The following ADAM17 variants were observed in gnomAD, a reference collection of about 807,000 sequenced individuals.
The protein encoded by ADAM17 is ADAM metallopeptidase domain 17, also known as disintegrin and metalloproteinase domain-containing protein 17.
ADAM17 carries 39 observed loss-of-function variants against 96.7 expected under a neutral mutation model. The observed-to-expected ratio is 0.40, with a 90% CI of 0.31 to 0.53. The LOEUF is 0.53. Ranked by LOEUF, ADAM17 falls within the 20% of genes least tolerant of loss-of-function variation. The probability of loss-of-function intolerance (pLI) is 0.44; values close to 1 mark genes in which losing one functional copy is unlikely to be tolerated. For synonymous variants in ADAM17, 344 were observed against 359.2 expected (o/e 0.96, Z 0.48); for missense variants, 777 against 1,013.2 (o/e 0.77, Z 3.17).
At chr2:9,529,866 C>T (rs1040116929) in intron 4 of ADAM17, among the ~76,000 whole-genome samples, 12 of 151,872 alleles carry the variant, frequency 7.9e-5, no homozygotes, top group African/African-American at 2.7e-4. Context: ...AGCTACTCAA[C>T]AGGCTGAGGC....
Position 9,521,215 on chromosome 2 carries a change from C to T in ADAM17, c.945G>A (p.Lys315=), listed in dbSNP as rs757922213. ...TTCTAAGACCTACCTCTAGCAACAT[C>T]TTCACATCCCAAGCATCCTTTTCTT... is the stretch of plus-strand genomic sequence containing the variant. ...PNEEKDAWDV[K]MLLEQFSFDI... Residue 315 remains lysine, a synonymous_variant, in exon 8 of 19, where the codon AAG becomes AAA. Transcript: ENST00000310823. The T allele has an allele frequency of 2.5e-6, 4 of 1,604,688 alleles. No individual in the cohort carries two copies. The highest frequency in any genetic ancestry group is 3.3e-5 in the Admixed American group (2 of 59,954).
chr2:9,531,922 C>T (rs544051570), intron 4 of ADAM17, among the ~76,000 whole-genome samples: 8 of 152,148 alleles, frequency 5.3e-5, no homozygotes, highest in African/African-American at 9.6e-5. Context: ...CACAGTGAGA[C>T]CTCATCAAAA....
rs777714532 is a variant in ADAM17, at chr2:9,494,712, G to A, written c.1839C>T (p.Pro613=). The change falls in exon 15 of 19, where the codon CCC becomes CCT. Residue 613 remains proline, a synonymous_variant. Transcript: ENST00000310823. Reference sequence around the variant, plus strand: ...AGTTCTTTTGTTCAGCATCGACATAGGGCACACAGCGGCCAGAAAGGTCCC... The same window carrying A: ...AGTTCTTTTGTTCAGCATCGACATAAGGCACACAGCGGCCAGAAAGGTCCC... The part of the protein sequence containing the change: ...CCRDLSGRCV[P]YVDAEQKNLF... The A allele has an allele frequency of 2.2e-5, 35 of 1,613,890 alleles. 1 individual carries two copies. Among genetic ancestry groups the A allele is most frequent in the Admixed American group, 6.7e-5 (4 of 59,998 alleles).
At position 9,489,680 on chromosome 2, in the gene ADAM17, G is replaced by C. The variant is rs577801051; in HGVS notation, c.*497C>G. On this transcript the variant is annotated 3_prime_UTR_variant, in exon 19 of 19. Coordinates refer to ENST00000310823, the MANE Select transcript of ADAM17 (RefSeq NM_003183.6). The stretch of plus-strand genomic sequence containing the variant: ...TAACTAGAAATAGACCCACAATTTA[G>C]AGACAATGTATACTAGATTTATCTC... The C allele has an allele frequency of 2.3e-5, 3 of 129,352 alleles. No homozygotes were observed. In the Middle Eastern group the frequency reaches 0.016, roughly 674 times the overall value. The allele number at this position is 129,352 out of a possible 1,614,324, so 8.0% of individuals were successfully genotyped here.
At chr2:9,528,198 T>G (rs1558517485) in intron 4 of ADAM17, among the ~76,000 whole-genome samples, 1 of 152,212 alleles carries the variant, frequency 6.6e-6, no homozygotes, top group Admixed American at 6.5e-5. Flanking sequence ...CCTTACATAC[T>G]TTGCACGTTG....
At chr2:9,503,324 C>A (rs866595707) in intron 12 of ADAM17, among the ~76,000 whole-genome samples, 13 of 152,248 alleles carry the variant, frequency 8.5e-5, no homozygotes, top group African/African-American at 3.1e-4. Flanking sequence ...TACTTCTAAG[C>A]CAGGCACTGG....
intron 6 of ADAM17, among the ~76,000 whole-genome samples, chr2:9,524,160 G>T (rs953596411): frequency 6.6e-6 from 1 of 151,962 alleles, no homozygotes; most frequent in African/African-American, 2.4e-5. Context: ...TATTGGTAAG[G>T]CTTCTGGTCA....
At chr2:9,512,738 T>C (rs114152351) in intron 10 of ADAM17, among the ~76,000 whole-genome samples, 88 of 152,260 alleles carry the variant, frequency 5.8e-4, no homozygotes, top group African/African-American at 2.1e-3. Flanking sequence ...TATGAGAACA[T>C]ACCCATTTTG....
At chr2:9,551,754 T>C (rs1572964876) in intron 1 of ADAM17, among the ~76,000 whole-genome samples, 2 of 152,232 alleles carry the variant, frequency 1.3e-5, no homozygotes, top group South Asian at 4.1e-4. Flanking sequence ...CCACCGCGCC[T>C]GGCCTAAACA....
At chr2:9,529,556 T>G (rs1212553538) in intron 4 of ADAM17, among the ~76,000 whole-genome samples, 1 of 152,190 alleles carries the variant, frequency 6.6e-6, no homozygotes, top group Non-Finnish European at 1.5e-5. Context: ...GATCCCTGGT[T>G]GCCTAGAGCT....
chr2:9,522,455 G>A (rs1242257221), intron 7 of ADAM17: 6 of 596,348 alleles, frequency 1.0e-5, no homozygotes, highest in African/African-American at 5.4e-5. Flanking sequence ...AAGAAAATGC[G>A]TAACAGTGAA....
At chr2:9,554,980 A>G (rs1236456712) in intron 1 of ADAM17, among the ~76,000 whole-genome samples, 4 of 152,122 alleles carry the variant, frequency 2.6e-5, no homozygotes, top group Non-Finnish European at 5.9e-5. Flanking sequence ...ATGTTCGCAA[A>G]AACACAACTC....
chr2:9,529,969 T>TACACAC (rs35137204), intron 4 of ADAM17, among the ~76,000 whole-genome samples: 115 of 149,570 alleles, frequency 7.7e-4, no homozygotes, highest in African/African-American at 2.5e-3. Context: ...ATCTCAAAAA[T>TACACAC]ACACACACAC....
chr2:9,518,353 C>G, intron 8 of ADAM17, 106 bp from the exon 9 acceptor site: 4 of 1,305,286 alleles, frequency 3.1e-6, no homozygotes, highest in Non-Finnish European at 4.0e-6. Context: ...CAGAACAGAA[C>G]TATGATGGCA....
In ADAM17 at chr2:9,489,829, C is replaced by CATT. The variant is rs1029217567; in HGVS notation, c.*345_*347dup. 2 of 162,120 alleles carry CATT rather than the reference C, an allele frequency of 1.2e-5. No individual in the cohort carries two copies. Among genetic ancestry groups the CATT allele is most frequent in the African/African-American group, 2.5e-5 (1 of 40,638 alleles). The allele number at this position is 162,120 out of a possible 1,614,324, so 10.0% of individuals were successfully genotyped here. A position where few individuals can be genotyped will look rare whatever the true frequency, so the allele number is the denominator to read the frequency against. ...TTACAGTGTATAAAAAAAAACTGAT[C>CATT]ATTTCCCTAGTCAGTGCTGTTATCA... is the stretch of plus-strand genomic sequence containing the variant. On this transcript the variant is annotated 3_prime_UTR_variant, in exon 19 of 19. Transcript: ENST00000310823.
At chr2:9,502,129 A>G (rs1415558002) in intron 13 of ADAM17, 44 bp downstream of exon 13, 2 of 1,514,030 alleles carry the variant, frequency 1.3e-6, no homozygotes, top group African/African-American at 1.4e-5. Context: ...AGACACACAC[A>G]CACTTGACCC....
Position 9,555,692 on chromosome 2 carries a change from G to C in ADAM17, c.-87C>G. 1 of 1,134,910 alleles carries C rather than the reference G, an allele frequency of 8.8e-7. No individual in the cohort carries two copies. Among genetic ancestry groups the C allele is most frequent in the Non-Finnish European group, 1.2e-6 (1 of 817,134 alleles). The allele number at this position is 1,134,910 out of a possible 1,614,324, so 70.3% of individuals were successfully genotyped here. On this transcript the variant is annotated 5_prime_UTR_variant, in exon 1 of 19. Coordinates refer to ENST00000310823, the MANE Select transcript of ADAM17 (RefSeq NM_003183.6). ...AAACTGCTCACATCGGGGGAGGACG[G>C]GATCCGCCCGGCCTAGCCCCTCAAT...
intron 4 of ADAM17, among the ~76,000 whole-genome samples, chr2:9,533,787 G>T (rs144785910): frequency 6.6e-6 from 1 of 152,088 alleles, no homozygotes; most frequent in Non-Finnish European, 1.5e-5. Context: ...TTCTTTCTGT[G>T]AGAACTACAG....
chr2:9,499,626 TCTC>T (rs1365606473), intron 13 of ADAM17, among the ~76,000 whole-genome samples: 1 of 152,098 alleles, frequency 6.6e-6, no homozygotes, highest in Non-Finnish European at 1.5e-5. Flanking sequence ...ATGGTCTCGA[TCTC>T]CTGATCTCGT....
Sources: allele counts gnomAD v4.1 joint callset (sites outside exome capture counted in the v4.1 genomes callset), GRCh38; gene constraint gnomAD v4.1.1; transcripts MANE v1.5; gene names NCBI Gene and HGNC (gene_info 2026-07-23, HGNC 2026-07-21).